Variants in THOP1 observed in about 807,000 individuals in gnomAD.
The protein encoded by THOP1 is thimet oligopeptidase 1.
In THOP1, 49 loss-of-function variants were observed where a neutral mutation model predicts 71.8. That is an observed-to-expected ratio of 0.68 (90% CI 0.54 to 0.87). THOP1 has a LOEUF of 0.87. THOP1 is among the 40% of genes least tolerant of loss of function. The pLI is 0.00. For synonymous variants in THOP1, 426 were observed against 421.5 expected (o/e 1.01, Z -0.13); for missense variants, 843 against 975.6 (o/e 0.86, Z 1.81).
chr19:2,794,919 G>T lies in THOP1; in HGVS notation c.378+7G>T, dbSNP rs759280773. On this transcript the variant is annotated splice_region_variant and intron_variant, in intron 3 of 12. Coordinates refer to ENST00000307741, the MANE Select transcript of THOP1 (RefSeq NM_003249.5). ...GAGGATCGTGTGGCTCCAGGTGAGG[G>T]GGCCCTGCGGGGAGTGCAAATAGCC... 6 of 1,602,670 alleles carry T rather than the reference G, an allele frequency of 3.7e-6. No individual in the cohort carries two copies. The highest frequency in any genetic ancestry group is 5.1e-6 in the Non-Finnish European group (6 of 1,170,610).
At position 2,813,379 on chromosome 19, in the gene THOP1, G is replaced by A; in HGVS notation, c.*103G>A. The A allele has an allele frequency of 7.4e-7, 1 of 1,359,740 alleles. No individual in the cohort carries two copies. Among genetic ancestry groups the A allele is most frequent in the Non-Finnish European group, 9.7e-7 (1 of 1,025,758 alleles). The allele number at this position is 1,359,740 out of a possible 1,614,324, so 84.2% of individuals were successfully genotyped here. A position where few individuals can be genotyped will look rare whatever the true frequency, so the allele number is the denominator to read the frequency against. On this transcript the variant is annotated 3_prime_UTR_variant, in exon 13 of 13. Coordinates refer to ENST00000307741, the MANE Select transcript of THOP1 (RefSeq NM_003249.5). ...AGGCTCTGGCACAGTGCCTGGGACTGGCAGGGTGGCTGAGCGGCTGTCTTG... is the reference window on the plus strand; with the variant it reads ...AGGCTCTGGCACAGTGCCTGGGACTAGCAGGGTGGCTGAGCGGCTGTCTTG...
chr19:2,798,638 G>T (rs1439491217), intron 4 of THOP1, among the ~76,000 whole-genome samples: 1 of 152,270 alleles, frequency 6.6e-6, no homozygotes, highest in Admixed American at 6.5e-5. Flanking sequence ...CATGGGGCCT[G>T]TTCCCAGGAG....
chr19:2,813,104 C>T lies in THOP1; in HGVS notation c.1909-11C>T, dbSNP rs760637390. ...TCCCCACCCGGCCACAGTGCCCTGT[C>T]TCCTCGGCAGGTTGGCATGGATTAC... On this transcript the variant is annotated splice_polypyrimidine_tract_variant and intron_variant, in intron 12 of 12. Transcript: ENST00000307741. The T allele has an allele frequency of 2.5e-6, 4 of 1,604,304 alleles. No homozygotes were observed. The highest frequency in any genetic ancestry group is 2.2e-5 in the East Asian group (1 of 44,516).
intron 1 of THOP1, among the ~76,000 whole-genome samples, chr19:2,786,267 T>C (rs988931663): frequency 1.3e-5 from 2 of 152,114 alleles, no homozygotes; most frequent in Non-Finnish European, 2.9e-5. Context: ...TTTAATTTTG[T>C]TATTTATTTA....
chr19:2,806,835 TTGGCCCTGGGACAGGGCGTGC>T (rs1916303484), intron 6 of THOP1, 61 bp from the exon 7 acceptor site: 2 of 1,599,668 alleles, frequency 1.3e-6, no homozygotes, highest in Non-Finnish European at 1.7e-6. Flanking sequence ...ATATGAGCCT[TTGGCCCTGGGACAGGGCGTGC>T]TGGCCCTGGA....
Position 2,805,383 on chromosome 19 carries a change from G to T in THOP1, c.750+207G>T, listed in dbSNP as rs947732926. Among the ~76,000 whole-genome samples, 8 of 152,186 alleles carry T rather than the reference G, an allele frequency of 5.3e-5. No individual in the cohort carries two copies. The highest frequency in any genetic ancestry group is 1.9e-4 in the African/African-American group (8 of 41,446). ...TGCTGGGCTCCACCCAGACCCTGGGGCCACAGCTCAGGGCCCAGTTCATCC... is the reference window on the plus strand; with the variant it reads ...TGCTGGGCTCCACCCAGACCCTGGGTCCACAGCTCAGGGCCCAGTTCATCC... On this transcript the variant is annotated intron_variant, in intron 6 of 12. Coordinates refer to ENST00000307741, the MANE Select transcript of THOP1 (RefSeq NM_003249.5). The surrounding 1 kb of genome is among the most constrained non-coding windows in gnomAD (Gnocchi z 6.6).
At chr19:2,797,995 G>A (rs1381667515) in intron 4 of THOP1, among the ~76,000 whole-genome samples, 2 of 152,112 alleles carry the variant, frequency 1.3e-5, no homozygotes, top group African/African-American at 4.8e-5. Flanking sequence ...CAGCCGCAGC[G>A]GACAAGAGCC....
rs1027825459 is a variant in THOP1, at chr19:2,813,903, C to T, written c.*627C>T. ...GACCAGGCTCCACTGGTCAGAGAGT[C>T]TGGAAAGTCAGGGCAGGCCCTGTGC... On this transcript the variant is annotated 3_prime_UTR_variant, in exon 13 of 13. Transcript: ENST00000307741. 6.6e-6 allele frequency: 1 copy of T among 152,456 alleles called. No homozygotes were observed. The highest frequency in any genetic ancestry group is 1.5e-5 in the Non-Finnish European group (1 of 68,236). 9.4% of individuals were successfully genotyped at this position (152,456 alleles called of 1,614,324 possible).
rs1310124020 is a variant in THOP1, at chr19:2,808,462, C to T, written c.1455+18C>T. ...GCTCCCAGGTGGGTGCGGGCCCGGG[C>T]AGGGGCAGGGGCAGGGGCAGGGGCA... On this transcript the variant is annotated intron_variant, in intron 9 of 12. Transcript: ENST00000307741. 2 of 1,442,212 alleles carry T rather than the reference C, an allele frequency of 1.4e-6. No homozygotes were observed. Among genetic ancestry groups the T allele is most frequent in the Non-Finnish European group, 9.0e-7 (1 of 1,105,078 alleles). The allele number at this position is 1,442,212 out of a possible 1,614,324, so 89.3% of individuals were successfully genotyped here. A position where few individuals can be genotyped will look rare whatever the true frequency, so the allele number is the denominator to read the frequency against.
At chr19:2,803,120 C>G (rs1394582817) in intron 5 of THOP1, among the ~76,000 whole-genome samples, 4 of 152,216 alleles carry the variant, frequency 2.6e-5, no homozygotes, top group African/African-American at 7.2e-5. Context: ...TCTCCCTGCC[C>G]CAGCCCTCAG....
At chr19:2,812,097 C>T (rs1166740407) in intron 12 of THOP1, 38 of 1,361,084 alleles carry the variant, frequency 2.8e-5, no homozygotes, top group Non-Finnish European at 3.6e-5. Flanking sequence ...CATACGAGTC[C>T]TTCCGGGATC....
At chr19:2,808,163 G>A in intron 8 of THOP1, 80 bp from the exon 9 acceptor site, 1 of 1,463,906 alleles carries the variant, frequency 6.8e-7, no homozygotes, top group Non-Finnish European at 9.3e-7. Flanking sequence ...TTAGCAGTCA[G>A]GTGGGCTGAG....
rs762641239 is a variant in THOP1 at position 2,810,287 on chromosome 19, C to T, written c.1456-17C>T. ...GGCAGGACCTGGGCACTCTGAGGCT[C>T]TGCCCCATCCCTGCAGGCGGAGTTC... On this transcript the variant is annotated splice_polypyrimidine_tract_variant and intron_variant, in intron 9 of 12. Transcript: ENST00000307741. 1 of 1,608,272 alleles carries T rather than the reference C, an allele frequency of 6.2e-7. No individual in the cohort carries two copies. Among genetic ancestry groups the T allele is most frequent in the Non-Finnish European group, 8.5e-7 (1 of 1,178,936 alleles).
In THOP1 at chr19:2,785,644, A is replaced by C; in HGVS notation, c.-19A>C. The C allele has an allele frequency of 6.7e-7, 1 of 1,497,922 alleles. No individual in the cohort carries two copies. Among genetic ancestry groups the C allele is most frequent in the Admixed American group, 2.1e-5 (1 of 46,700 alleles). The allele number at this position is 1,497,922 out of a possible 1,614,324, so 92.8% of individuals were successfully genotyped here. A position where few individuals can be genotyped will look rare whatever the true frequency, so the allele number is the denominator to read the frequency against. On this transcript the variant is annotated 5_prime_UTR_variant, in exon 1 of 13. Transcript: ENST00000307741. ...CAGGTGGAAGGAGGGAGGGAGCCGCAGGCGCAGACCCACCCGCCATGAAGC... is the reference window on the plus strand; with the variant it reads ...CAGGTGGAAGGAGGGAGGGAGCCGCCGGCGCAGACCCACCCGCCATGAAGC...
intron 9 of THOP1, among the ~76,000 whole-genome samples, chr19:2,808,764 C>T (rs902236392): frequency 2.0e-5 from 3 of 152,250 alleles, no homozygotes; most frequent in Admixed American, 6.5e-5. Context: ...ACCACCTCCC[C>T]GCATCCTCAT....
chr19:2,798,761 T>A lies in THOP1; in HGVS notation c.487-928T>A, dbSNP rs557696743. ...CTGCTGCCGCCCTCTGTCCTGCGGA[T>A]GAGCATTTCTGCTCTGGCCCCATGG... On this transcript the variant is annotated intron_variant, in intron 4 of 12. Transcript: ENST00000307741. Among the ~76,000 whole-genome samples the A allele has an allele frequency of 1.2e-3, 176 of 152,364 alleles. 1 individual carries two copies. Among genetic ancestry groups the A allele is most frequent in the Non-Finnish European group, 2.0e-3 (139 of 68,032 alleles).
intron 4 of THOP1, 87 bp downstream of exon 4, chr19:2,796,275 G>T: frequency 1.8e-6 from 2 of 1,106,502 alleles, no homozygotes; most frequent in South Asian, 1.4e-5. Flanking sequence ...GTCCCAGGGA[G>T]TGGTGGGAGC....
Position 2,813,690 on chromosome 19 carries a change from G to A in THOP1, c.*414G>A, listed in dbSNP as rs73524729. 6,566 of 140,800 alleles carry A rather than the reference G, an allele frequency of 0.047. 455 individuals are homozygous for A. Among genetic ancestry groups the A allele is most frequent in the African/African-American group, 0.16 (6,192 of 38,938 alleles). The allele number at this position is 140,800 out of a possible 1,614,324, so 8.7% of individuals were successfully genotyped here. A position where few individuals can be genotyped will look rare whatever the true frequency, so the allele number is the denominator to read the frequency against. ...GTCAGGGTCCAGCCCTCGGGCTGTT[G>A]CCACACCAGGCCCTGGATTGGGGCT... On this transcript the variant is annotated 3_prime_UTR_variant, in exon 13 of 13. Coordinates refer to ENST00000307741, the MANE Select transcript of THOP1 (RefSeq NM_003249.5).
At chr19:2,799,513 C>T (rs757979035) in intron 4 of THOP1, among the ~76,000 whole-genome samples, 176 bp from the exon 5 acceptor site, 1 of 152,180 alleles carries the variant, frequency 6.6e-6, no homozygotes, top group African/African-American at 2.4e-5. Flanking sequence ...TCGTGGCCTC[C>T]GTGTCTGTCT....
Sources: gnomAD v4.1 joint callset for allele counts (sites outside exome capture counted in the v4.1 genomes callset) on GRCh38, gnomAD v4.1.1 for gene constraint, Gnocchi (gnomAD v3.1) non-coding constraint, MANE v1.5 for transcripts, NCBI Gene and HGNC (gene_info 2026-07-23, HGNC 2026-07-21) for gene names.